Variants in TRIM75 observed in about 807,000 individuals in gnomAD.
The protein encoded by TRIM75 is tripartite motif containing 75, also known as tripartite motif-containing protein 75.
At chr4:165,056,977 A>G in the TRIM75 span, among the ~76,000 whole-genome samples, 1 of 152,118 alleles carries the variant, frequency 6.6e-6, no homozygotes, top group South Asian at 2.1e-4. Context: ...AGGGAAAGAG[A>G]TGATAGCTGT....
the TRIM75 span, chr4:165,059,126 C>A: frequency 1.2e-5 from 9 of 748,086 alleles, no homozygotes; most frequent in South Asian, 1.2e-4. Flanking sequence ...CCACCTTGGT[C>A]GAGACCTTCA....
At chr4:165,054,812 A>G in the TRIM75 span, among the ~76,000 whole-genome samples, 4 of 152,154 alleles carry the variant, frequency 2.6e-5, no homozygotes, top group Admixed American at 2.6e-4. Flanking sequence ...CTGAGAGCCC[A>G]CCCTGTCCTA....
chr4:165,054,004 G>A, the TRIM75 span, among the ~76,000 whole-genome samples: 39,405 of 151,968 alleles, frequency 0.26, 6,103 homozygotes, highest in Middle Eastern at 0.37. Flanking sequence ...AGTGAAACCC[G>A]TGACCTCTTG....
At chr4:165,060,530 C>T in the TRIM75 span, 1 of 775,082 alleles carries the variant, frequency 1.3e-6, no homozygotes, top group Admixed American at 1.7e-5. Context: ...CTCTCAGAAT[C>T]TGTACAGGGA....
chr4:165,059,687 G>A, the TRIM75 span: 372 of 780,912 alleles, frequency 4.8e-4, 4 homozygotes, highest in East Asian at 8.9e-3. Flanking sequence ...AAAACCAAAG[G>A]CAGGAATTAT....
chr4:165,055,253 C>T, the TRIM75 span, among the ~76,000 whole-genome samples: 7 of 150,818 alleles, frequency 4.6e-5, no homozygotes, highest in East Asian at 3.9e-4. Flanking sequence ...ATGTTACACG[C>T]GTGAGCCACT....
At chr4:165,054,682 G>A in the TRIM75 span, among the ~76,000 whole-genome samples, 5 of 152,184 alleles carry the variant, frequency 3.3e-5, no homozygotes, top group African/African-American at 1.2e-4. Flanking sequence ...TTGCAGGCAT[G>A]AACTACCGCG....
At chr4:165,056,955 C>A in the TRIM75 span, among the ~76,000 whole-genome samples, 2 of 152,042 alleles carry the variant, frequency 1.3e-5, no homozygotes, top group African/African-American at 2.4e-5. Flanking sequence ...AATGTGATGG[C>A]CCCTTGGTCC....
chr4:165,057,536 T>G, the TRIM75 span, among the ~76,000 whole-genome samples: 1 of 152,142 alleles, frequency 6.6e-6, no homozygotes, highest in Non-Finnish European at 1.5e-5. Context: ...TTGTTTTTTG[T>G]TTTTTGTTTG....
chr4:165,060,326 C>T, the TRIM75 span: 1 of 780,888 alleles, frequency 1.3e-6, no homozygotes, highest in South Asian at 1.3e-5. Flanking sequence ...AAGATGATGG[C>T]TATCATGCAC....
chr4:165,053,924 C>T, the TRIM75 span, among the ~76,000 whole-genome samples: 9 of 151,424 alleles, frequency 5.9e-5, no homozygotes, highest in Non-Finnish European at 1.2e-4. Context: ...GATAAAGGAC[C>T]GCCGCAGAGC....
the TRIM75 span, among the ~76,000 whole-genome samples, chr4:165,058,247 A>G: frequency 6.6e-6 from 1 of 152,182 alleles, no homozygotes; most frequent in Non-Finnish European, 1.5e-5. Context: ...AGCTCACTGG[A>G]GCCTTGACCT....
chr4:165,054,722 C>A, the TRIM75 span, among the ~76,000 whole-genome samples: 1 of 152,142 alleles, frequency 6.6e-6, no homozygotes, highest in Non-Finnish European at 1.5e-5. Flanking sequence ...TTAAAACGCA[C>A]GCCATTTATT....
At chr4:165,059,439 G>A in the TRIM75 span, 7 of 780,758 alleles carry the variant, frequency 9.0e-6, no homozygotes, top group Non-Finnish European at 1.7e-5. Flanking sequence ...CACCTTGTGC[G>A]AGAAACACAA....
At chr4:165,054,736 T>C in the TRIM75 span, among the ~76,000 whole-genome samples, 1 of 152,156 alleles carries the variant, frequency 6.6e-6, no homozygotes, top group Non-Finnish European at 1.5e-5. Flanking sequence ...ATTTATTTAT[T>C]ATGGTTCCTG....
At chr4:165,055,510 C>T in the TRIM75 span, among the ~76,000 whole-genome samples, 5 of 151,888 alleles carry the variant, frequency 3.3e-5, no homozygotes, top group Admixed American at 6.6e-5. Flanking sequence ...TCTCAGCTCC[C>T]GACCTCAGGT....
chr4:165,059,941 C>A, the TRIM75 span: 1 of 779,764 alleles, frequency 1.3e-6, no homozygotes. Context: ...AGTAGCCCAT[C>A]GATCTTTTCA....
the TRIM75 span, among the ~76,000 whole-genome samples, chr4:165,056,596 CTGTCTCTTTT>C: frequency 7.7e-6 from 1 of 130,138 alleles, no homozygotes; most frequent in African/African-American, 2.8e-5. Context: ...TTCTCTGTCT[CTGTCTCTTTT>C]TTTTTTTTTT....
chr4:165,060,146 A>C, the TRIM75 span: 38 of 780,858 alleles, frequency 4.9e-5, no homozygotes, highest in Admixed American at 6.3e-4. Context: ...AAAGATTTAC[A>C]GTCAAGCCAG....
Sources: allele counts gnomAD v4.1 joint callset (sites outside exome capture counted in the v4.1 genomes callset), GRCh38; gene constraint gnomAD v4.1.1; transcripts MANE v1.5; gene names NCBI Gene and HGNC (gene_info 2026-07-23, HGNC 2026-07-21).